Variants in CFAP97 observed in about 807,000 individuals in gnomAD.
The protein encoded by CFAP97 is cilia- and flagella-associated protein 97.
CFAP97 carries 36 observed loss-of-function variants against 43.1 expected under a neutral mutation model. The observed-to-expected ratio is 0.84, with a 90% confidence interval of 0.64 to 1.10. The LOEUF (loss-of-function observed/expected upper bound fraction) is 1.10. CFAP97 is among the 50% of genes least tolerant of loss of function. The pLI is 0.00. For synonymous variants in CFAP97, 228 were observed against 225.7 expected (o/e 1.01, Z -0.09); for missense variants, 657 against 620.3 (o/e 1.06, Z -0.63).
chr4:185,184,401 C>T (rs768556623), intron 2 of CFAP97, among the ~76,000 whole-genome samples: 1 of 152,138 alleles, frequency 6.6e-6, no homozygotes, highest in Non-Finnish European at 1.5e-5. Context: ...GGAATGGGAG[C>T]GTAACCAGTT....
chr4:185,198,212 G>A (rs2111416987), intron 1 of CFAP97, among the ~76,000 whole-genome samples: 1 of 152,214 alleles, frequency 6.6e-6, no homozygotes, highest in Admixed American at 6.5e-5. Context: ...GGAGGCTGAA[G>A]TGGGCAGATC....
chr4:185,163,432 C>T (rs774750181), intron 4 of CFAP97, among the ~76,000 whole-genome samples: 1 of 151,974 alleles, frequency 6.6e-6, no homozygotes, highest in Non-Finnish European at 1.5e-5. Flanking sequence ...AGAATGCATA[C>T]ATGAAGTACA....
rs1197947923 is a variant in CFAP97, at chr4:185,203,944, C to T, written c.-63G>A. On this transcript the variant is annotated 5_prime_UTR_variant, in exon 1 of 5. Coordinates refer to ENST00000458385, the MANE Select transcript of CFAP97 (RefSeq NM_020827.3). ...GCCCCACGCGCGGCGCTGGCGCACT[C>T]CCGCGGCCCTGAACGGGCTCCCGGC... 6.6e-6 allele frequency: 1 copy of T among 151,618 alleles called. No individual in the cohort carries two copies. The highest frequency in any genetic ancestry group is 2.4e-5 in the African/African-American group (1 of 41,362). 9.4% of individuals were successfully genotyped at this position (151,618 alleles called of 1,614,324 possible). A position where few individuals can be genotyped will look rare whatever the true frequency, so the allele number is the denominator to read the frequency against.
At chr4:185,205,322 C>T (rs560419589), upstream of CFAP97, among the ~76,000 whole-genome samples, 50 of 152,130 alleles carry the variant, frequency 3.3e-4, no homozygotes, top group African/African-American at 1.1e-3. Context: ...GGCGTGGTGA[C>T]GTGAGCCTGT....
rs1351881699 is a variant in CFAP97 at position 185,186,666 on chromosome 4, AT to A, written c.1054+3476del. Among the ~76,000 whole-genome samples, 5 of 152,268 alleles carry A rather than the reference AT, an allele frequency of 3.3e-5. No individual in the cohort carries two copies. In the South Asian group the frequency reaches 1.0e-3, roughly 32 times the overall value. ...TGCTAGTGATTAGCAAAAATCACTA[AT>A]TTTTTTGGATATACACCTTTTTCAT... On this transcript the variant is annotated intron_variant, in intron 2 of 4. Transcript: ENST00000458385.
intron 1 of CFAP97, among the ~76,000 whole-genome samples, chr4:185,193,223 G>T (rs1452387814): frequency 6.6e-6 from 1 of 152,118 alleles, no homozygotes; most frequent in Admixed American, 6.5e-5. Flanking sequence ...GGCTTCCACT[G>T]TCCAAGTTGG....
intron 2 of CFAP97, among the ~76,000 whole-genome samples, chr4:185,180,569 A>G (rs1735742970): frequency 6.6e-6 from 1 of 152,082 alleles, no homozygotes; most frequent in African/African-American, 2.4e-5. Flanking sequence ...TCACCCATGT[A>G]GCATTATGTC....
In CFAP97 at chr4:185,190,729, A is replaced by G. The variant is rs1412601260; in HGVS notation, c.468T>C (p.Thr156=). The change falls in exon 2 of 5, where the codon ACT becomes ACC. Residue 156 remains threonine, a synonymous_variant. Transcript: ENST00000458385. ...HVKSKSAKPS[T]NVKKSIRKKY... Reference sequence around the variant, plus strand: ...TTTTCCTTATGCTTTTTTTAACGTTAGTAGATGGTTTAGCGGACTTGGACT... The same window carrying G: ...TTTTCCTTATGCTTTTTTTAACGTTGGTAGATGGTTTAGCGGACTTGGACT... 1.9e-6 allele frequency: 3 copies of G among 1,579,078 alleles called. No individual in the cohort carries two copies. Among genetic ancestry groups the G allele is most frequent in the Non-Finnish European group, 2.6e-6 (3 of 1,160,686 alleles).
chr4:185,180,498 T>C (rs1388567870), intron 2 of CFAP97, among the ~76,000 whole-genome samples: 3 of 152,210 alleles, frequency 2.0e-5, no homozygotes, highest in Non-Finnish European at 4.4e-5. Flanking sequence ...CATATAATCA[T>C]ACAGCACTTA....
chr4:185,192,747 T>TC (rs1736332865), intron 1 of CFAP97, among the ~76,000 whole-genome samples: 1 of 94,236 alleles, frequency 1.1e-5, no homozygotes. Context: ...TTTTTTTTTT[T>TC]TTTTTTTTTT....
rs759778149 is a variant in CFAP97 at position 185,176,067 on chromosome 4, A to AC, written c.1055-17_1055-16insG. ...TGCAGAAAAGCTACAGAAAAGAACA[A>AC]AAAAAAAAGAGAAAATGGCCAAAGT... On this transcript the variant is annotated splice_polypyrimidine_tract_variant and intron_variant, in intron 2 of 4. Transcript: ENST00000458385. The AC allele has an allele frequency of 7.4e-5, 114 of 1,542,002 alleles. No homozygotes were observed. Among genetic ancestry groups the AC allele is most frequent in the Middle Eastern group, 5.2e-4 (3 of 5,756 alleles).
chr4:185,198,556 GAGATGGGC>G (rs933963605), intron 1 of CFAP97, among the ~76,000 whole-genome samples: 3 of 151,924 alleles, frequency 2.0e-5, no homozygotes, highest in Non-Finnish European at 4.4e-5. Flanking sequence ...TTGGGAGGCC[GAGATGGGC>G]AGATCACCTC....
In CFAP97 at chr4:185,193,823, G is replaced by A. The variant is rs993555943; in HGVS notation, c.-16-2611C>T. On this transcript the variant is annotated intron_variant, in intron 1 of 4. Coordinates refer to ENST00000458385, the MANE Select transcript of CFAP97 (RefSeq NM_020827.3). The stretch of plus-strand genomic sequence containing the variant: ...GAATTGCTGAAACCCAGGAGACAGA[G>A]GCTGCAGTGAGCTGAGATCGCACCA... 2.0e-5 allele frequency among the ~76,000 whole-genome samples: 3 copies of A among 152,168 alleles called. No homozygotes were observed. In the East Asian group the frequency reaches 5.8e-4, roughly 29 times the overall value.
intron 1 of CFAP97, among the ~76,000 whole-genome samples, chr4:185,198,316 G>A (rs934795505): frequency 1.3e-5 from 2 of 151,846 alleles, no homozygotes; most frequent in Admixed American, 1.3e-4. Context: ...GGTGGCAGGA[G>A]CCTGAAGTCC....
At chr4:185,163,021 A>C (rs1734927617) in intron 4 of CFAP97, 96 bp from the exon 5 acceptor site, 2 of 1,099,616 alleles carry the variant, frequency 1.8e-6, no homozygotes, top group Non-Finnish European at 2.4e-6. Flanking sequence ...CTAATAGTCT[A>C]ATGCTATGAT....
intron 3 of CFAP97, chr4:185,170,116 G>C: frequency 9.3e-7 from 1 of 1,069,644 alleles, no homozygotes; most frequent in South Asian, 3.3e-5. Flanking sequence ...GGGAAGCTGA[G>C]GCAGATGGAT....
In CFAP97 at chr4:185,164,193, A is replaced by T; in HGVS notation, c.1321-14T>A. 4 of 1,611,872 alleles carry T rather than the reference A, an allele frequency of 2.5e-6. No individual in the cohort carries two copies. The highest frequency in any genetic ancestry group is 2.5e-6 in the Non-Finnish European group (3 of 1,178,760). On this transcript the variant is annotated splice_polypyrimidine_tract_variant and intron_variant, in intron 3 of 4. Coordinates refer to ENST00000458385, the MANE Select transcript of CFAP97 (RefSeq NM_020827.3). ...TTTCAATAAAGCCTTCAATAAAGAC[A>T]ATTAATTTGAAAGGCAAGGTTAAAC... is the stretch of plus-strand genomic sequence containing the variant.
rs1034653305 is a variant in CFAP97, at chr4:185,190,441, C to T, written c.756G>A (p.Val252=). The part of the protein sequence containing the change: ...GHYPEESEDT[V]TDVSPLSTPD... ...GAGTTGATAAGGGACTTACGTCAGTCACAGTATCTTCAGACTCCTCAGGGT... is the reference window on the plus strand; with the variant it reads ...GAGTTGATAAGGGACTTACGTCAGTTACAGTATCTTCAGACTCCTCAGGGT... The change falls in exon 2 of 5, where the codon GTG becomes GTA. Residue 252 remains valine, a synonymous_variant. Coordinates refer to ENST00000458385, the MANE Select transcript of CFAP97 (RefSeq NM_020827.3). The T allele has an allele frequency of 6.2e-7, 1 of 1,613,794 alleles. No individual in the cohort carries two copies. Among genetic ancestry groups the T allele is most frequent in the African/African-American group, 1.3e-5 (1 of 75,038 alleles).
intron 2 of CFAP97, among the ~76,000 whole-genome samples, chr4:185,178,644 T>C (rs1735657094): frequency 6.6e-6 from 1 of 152,064 alleles, no homozygotes; most frequent in Non-Finnish European, 1.5e-5. Context: ...TGCTAACACA[T>C]CACCACAAGA....
Sources: allele counts gnomAD v4.1 joint callset (sites outside exome capture counted in the v4.1 genomes callset), GRCh38; gene constraint gnomAD v4.1.1; transcripts MANE v1.5; gene names NCBI Gene and HGNC (gene_info 2026-07-23, HGNC 2026-07-21).